Variants in ROBO2 observed in about 807,000 individuals in gnomAD.
ROBO2 encodes the protein roundabout guidance receptor 2, also known as roundabout homolog 2.
In ROBO2, 53 loss-of-function variants were observed where a neutral mutation model predicts 160.8. The ratio of observed to expected loss-of-function variants is 0.33; its 90% CI spans 0.26 to 0.41. The LOEUF (loss-of-function observed/expected upper bound fraction) is 0.41. Among genes scored for constraint, ROBO2 ranks in the 10% least tolerant of loss-of-function variants. The probability of loss-of-function intolerance (pLI) is 1.00; values close to 1 mark genes in which losing one functional copy is unlikely to be tolerated. For missense variants in ROBO2, 1,577 were observed against 1,722.4 expected (o/e 0.92, Z 1.49); for synonymous variants, 664 against 611.7 (o/e 1.09, Z -1.26).
chr3:76,553,498 C>T (rs1300973207), intron 2 of ROBO2, among the ~76,000 whole-genome samples: 2 of 152,122 alleles, frequency 1.3e-5, no homozygotes, highest in Non-Finnish European at 2.9e-5. Context: ...TAAAGAAACA[C>T]TAGATATTGG....
At chr3:76,736,147 G>T (rs1358344606) in intron 2 of ROBO2, among the ~76,000 whole-genome samples, 1 of 151,612 alleles carries the variant, frequency 6.6e-6, no homozygotes, top group African/African-American at 2.4e-5. Flanking sequence ...TCCGGGCGTG[G>T]TGGTGGCGCC....
At chr3:77,013,107 T>C (rs2062016229) in intron 2 of ROBO2, among the ~76,000 whole-genome samples, 1 of 152,180 alleles carries the variant, frequency 6.6e-6, no homozygotes, top group African/African-American at 2.4e-5. Context: ...TAAATTTCTA[T>C]AAAATCCTTT....
intron 1 of ROBO2, among the ~76,000 whole-genome samples, chr3:75,931,277 T>A (rs1243999237): frequency 1.3e-5 from 2 of 152,248 alleles, no homozygotes; most frequent in African/African-American, 4.8e-5. Flanking sequence ...TAACTCTTTT[T>A]ATTCTCAGGT....
At chr3:76,319,798 T>C (rs2072360001) in intron 2 of ROBO2, among the ~76,000 whole-genome samples, 1 of 152,042 alleles carries the variant, frequency 6.6e-6, no homozygotes, top group Non-Finnish European at 1.5e-5. Context: ...GTTATTCCTG[T>C]TCTTGTTTTT....
chr3:76,469,902 C>G (rs1242201589), intron 2 of ROBO2, among the ~76,000 whole-genome samples: 1 of 152,092 alleles, frequency 6.6e-6, no homozygotes, highest in African/African-American at 2.4e-5. Context: ...GCTTACCTTT[C>G]TCACAGATAT....
rs138843466 is a variant in ROBO2 at position 76,688,003 on chromosome 3, T to C, written c.110-410011T>C. Among the ~76,000 whole-genome samples, 254 of 151,932 alleles carry C rather than the reference T, an allele frequency of 1.7e-3. 11 individuals are homozygous for C. In the South Asian group the frequency reaches 0.034, roughly 20 times the overall value. ...TTAAATCTCTACTGAAAATATGAAA[T>C]GTTAAAGTATTCAAATTATATTTTT... On this transcript the variant is annotated intron_variant, in intron 2 of 26. Coordinates refer to the ROBO2 transcript ENST00000487694.
At chr3:76,303,593 T>C (rs1330378826) in intron 2 of ROBO2, among the ~76,000 whole-genome samples, 2 of 106,414 alleles carry the variant, frequency 1.9e-5, no homozygotes, top group Non-Finnish European at 4.4e-5. Flanking sequence ...ACCACCAATA[T>C]TTTGAACTAC....
intron 2 of ROBO2, among the ~76,000 whole-genome samples, chr3:76,282,281 A>G (rs1708272982): frequency 6.6e-6 from 1 of 151,964 alleles, no homozygotes; most frequent in Non-Finnish European, 1.5e-5. Context: ...TACTCTTTAG[A>G]AAATGCACTT....
chr3:76,338,510 C>T (rs1296164788), intron 2 of ROBO2, among the ~76,000 whole-genome samples: 1 of 151,032 alleles, frequency 6.6e-6, no homozygotes, highest in Non-Finnish European at 1.5e-5. Flanking sequence ...TACACTGACT[C>T]TTAAAAAAAA....
At chr3:76,077,056 G>GT (rs2068666103) in intron 2 of ROBO2, among the ~76,000 whole-genome samples, 1 of 152,042 alleles carries the variant, frequency 6.6e-6, no homozygotes, top group Non-Finnish European at 1.5e-5. Flanking sequence ...AATTTTGTTT[G>GT]TTTTTATTTT....
intron 2 of ROBO2, among the ~76,000 whole-genome samples, chr3:76,820,674 C>T (rs1343670977): frequency 2.0e-5 from 3 of 151,848 alleles, no homozygotes; most frequent in Admixed American, 6.6e-5. Flanking sequence ...AAATTCCCTG[C>T]ACTAATGTAC....
At chr3:77,390,657 A>G (rs947986665) in intron 2 of ROBO2, among the ~76,000 whole-genome samples, 3 of 152,198 alleles carry the variant, frequency 2.0e-5, no homozygotes, top group African/African-American at 7.2e-5. Flanking sequence ...TAGCAGCGTG[A>G]TAACAGATAA....
chr3:77,513,125 TACACAGGCTTGA>T (rs2089606681), intron 5 of ROBO2, among the ~76,000 whole-genome samples: 1 of 151,892 alleles, frequency 6.6e-6, no homozygotes, highest in Non-Finnish European at 1.5e-5. Flanking sequence ...GGTGATGAGA[TACACAGGCTTGA>T]ACTGAGCATG....
intron 2 of ROBO2, among the ~76,000 whole-genome samples, chr3:76,428,830 C>T (rs17014169): frequency 0.01 from 1,567 of 152,252 alleles, 34 homozygotes; most frequent in South Asian, 0.059. Flanking sequence ...GCTGGTTCCT[C>T]GACCTTACTT....
intron 2 of ROBO2, among the ~76,000 whole-genome samples, chr3:77,318,179 C>T (rs983937932): frequency 6.6e-6 from 1 of 151,968 alleles, no homozygotes; most frequent in Non-Finnish European, 1.5e-5. Context: ...TCCTGAGTAG[C>T]TAGAATCACA....
At chr3:77,167,350 G>T (rs2079190017) in intron 2 of ROBO2, among the ~76,000 whole-genome samples, 1 of 152,106 alleles carries the variant, frequency 6.6e-6, no homozygotes, top group African/African-American at 2.4e-5. Flanking sequence ...AACATTCTGT[G>T]TAGAAAATAT....
intron 2 of ROBO2, among the ~76,000 whole-genome samples, chr3:76,720,768 C>T (rs770206910): frequency 7.9e-5 from 12 of 152,130 alleles, no homozygotes; most frequent in Non-Finnish European, 1.2e-4. Context: ...GCGATTTGCC[C>T]ACTCTCTTTT....
chr3:76,016,788 C>A (rs973215084), intron 2 of ROBO2, among the ~76,000 whole-genome samples: 2 of 152,018 alleles, frequency 1.3e-5, no homozygotes, highest in Non-Finnish European at 2.9e-5. Flanking sequence ...TGAGTCCCCT[C>A]AGGTATTTTA....
intron 2 of ROBO2, among the ~76,000 whole-genome samples, chr3:76,540,065 A>C (rs1326682412): frequency 6.6e-6 from 1 of 152,182 alleles, no homozygotes; most frequent in Non-Finnish European, 1.5e-5. Flanking sequence ...AATGGTACTT[A>C]CTTGCCTAAA....
Sources: gnomAD v4.1 joint callset for allele counts (sites outside exome capture counted in the v4.1 genomes callset) on GRCh38, gnomAD v4.1.1 for gene constraint, MANE v1.5 for transcripts, NCBI Gene and HGNC (gene_info 2026-07-23, HGNC 2026-07-21) for gene names.